Variants in CAPN1 observed in about 807,000 individuals in gnomAD.
CAPN1 encodes calpain 1.
CAPN1 carries 77 observed loss-of-function variants against 105.2 expected under a neutral mutation model. The ratio of observed to expected loss-of-function variants is 0.73; its 90% CI spans 0.61 to 0.88. The LOEUF is 0.88. Among genes scored for constraint, CAPN1 ranks in the 40% least tolerant of loss-of-function variants. CAPN1 has a pLI of 0.00. For synonymous variants in CAPN1, 355 were observed against 388.8 expected (o/e 0.91, Z 1.02); for missense variants, 833 against 976.6 (o/e 0.85, Z 1.96).
At position 65,182,884 on chromosome 11, in the gene CAPN1, C is replaced by T. The variant is rs765399122; in HGVS notation, c.183C>T (p.Phe61=). The T allele has an allele frequency of 1.0e-5, 16 of 1,603,740 alleles. No homozygotes were observed. The highest frequency in any genetic ancestry group is 1.6e-4 in the Middle Eastern group (1 of 6,070). Residue 61 remains phenylalanine (F), a synonymous_variant, in exon 2 of 22, where the codon TTC becomes TTT. Transcript: ENST00000279247. ...QSGTLFRDEA[F]PPVPQSLGYK... The stretch of plus-strand genomic sequence containing the variant: ...GGACCCTCTTCCGTGATGAGGCCTT[C>T]CCCCCGGTACCCCAGAGCCTGGGTT...
rs1158831153 is a variant in CAPN1, at chr11:65,208,015, C to T, written c.1606-40C>T. On this transcript the variant is annotated intron_variant, in intron 14 of 21. Transcript: ENST00000279247. This position sits in a 1 kb window ranked among gnomAD's most constrained non-coding sequence, Gnocchi z 4.1. ...CCAGCTGCCTCCACACGGGCAGGGC[C>T]GGGGCCTCTCTTACCTGCTTTCTCC... is the stretch of plus-strand genomic sequence containing the variant. The T allele has an allele frequency of 7.2e-6, 11 of 1,527,040 alleles. No individual in the cohort carries two copies. The highest frequency in any genetic ancestry group is 2.4e-5 in the East Asian group (1 of 41,250). The allele number at this position is 1,527,040 out of a possible 1,614,324, so 94.6% of individuals were successfully genotyped here.
At chr11:65,207,736 A>T (rs1948982802) in intron 14 of CAPN1, among the ~76,000 whole-genome samples, 1 of 150,870 alleles carries the variant, frequency 6.6e-6, no homozygotes, top group South Asian at 2.1e-4. Flanking sequence ...AACATGGCAA[A>T]ACCCCGTCTC....
chr11:65,189,513 G>A (rs909190509), intron 10 of CAPN1, among the ~76,000 whole-genome samples: 1 of 152,036 alleles, frequency 6.6e-6, no homozygotes, highest in African/African-American at 2.4e-5. Flanking sequence ...CTCCACCTTC[G>A]ACTCTTTCCA....
chr11:65,211,192 G>T, intron 21 of CAPN1, 68 bp from the exon 22 acceptor site: 2 of 1,577,970 alleles, frequency 1.3e-6, no homozygotes, highest in South Asian at 2.3e-5. Flanking sequence ...CTGGACCTGG[G>T]GTTTGGGTGG....
chr11:65,198,969 G>C (rs1948830167), intron 10 of CAPN1, among the ~76,000 whole-genome samples: 1 of 152,104 alleles, frequency 6.6e-6, no homozygotes, highest in African/African-American at 2.4e-5. Flanking sequence ...CAAGTAGCTG[G>C]GATTCTAGGT....
rs1445672781 is a variant in CAPN1 at position 65,211,761 on chromosome 11, C to T, written c.*475C>T. ...CCGGGGCTGGGAACGCCTGTGCCTT[C>T]CTGCGCCGAAGCCAACGCCCCCTCT... On this transcript the variant is annotated 3_prime_UTR_variant, in exon 22 of 22. Transcript: ENST00000279247. 4 of 167,456 alleles carry T rather than the reference C, an allele frequency of 2.4e-5. No homozygotes were observed. The highest frequency in any genetic ancestry group is 4.7e-5 in the African/African-American group (2 of 42,230). 10.4% of individuals were successfully genotyped at this position (167,456 alleles called of 1,614,324 possible).
At chr11:65,201,520 C>CT (rs1038936381) in intron 10 of CAPN1, among the ~76,000 whole-genome samples, 35 of 151,418 alleles carry the variant, frequency 2.3e-4, no homozygotes, top group African/African-American at 4.6e-4. Flanking sequence ...TTCTTTCTTT[C>CT]TTTTTTTTTG....
At chr11:65,205,887 C>A in intron 12 of CAPN1, 166 bp downstream of exon 12, 1 of 680,936 alleles carries the variant, frequency 1.5e-6, no homozygotes, top group Non-Finnish European at 2.7e-6. Context: ...GCAAACATTG[C>A]TCTCCTGAGG....
chr11:65,198,254 C>T (rs914341853), intron 10 of CAPN1, among the ~76,000 whole-genome samples: 2 of 152,086 alleles, frequency 1.3e-5, no homozygotes, highest in South Asian at 2.1e-4. Flanking sequence ...CATCCTCCCA[C>T]CTGAGCTTCC....
rs1010048385 is a variant in CAPN1 at position 65,210,219 on chromosome 11, C to T, written c.1943-117C>T. ...ATGGTAACAGCCATCTTGTCCTTTT[C>T]CCCACGGTTACTAGCACCCTGCCTA... On this transcript the variant is annotated intron_variant, in intron 19 of 21. Transcript: ENST00000279247. This position sits in a 1 kb window ranked among gnomAD's most constrained non-coding sequence, Gnocchi z 4.3. 5 of 1,135,062 alleles carry T rather than the reference C, an allele frequency of 4.4e-6. No individual in the cohort carries two copies. In the African/African-American group the frequency reaches 7.7e-5, roughly 17 times the overall value. 70.3% of individuals were successfully genotyped at this position (1,135,062 alleles called of 1,614,324 possible).
intron 10 of CAPN1, among the ~76,000 whole-genome samples, chr11:65,198,017 C>T (rs1313857662): frequency 6.6e-6 from 1 of 151,442 alleles, no homozygotes; most frequent in African/African-American, 2.4e-5. Flanking sequence ...TTATTTTCTG[C>T]TTGTCTTCCT....
chr11:65,201,480 T>C (rs1948867885), intron 10 of CAPN1, among the ~76,000 whole-genome samples: 1 of 152,150 alleles, frequency 6.6e-6, no homozygotes, highest in African/African-American at 2.4e-5. Flanking sequence ...CTTGAGGTTA[T>C]TTTTTCCTTC....
Position 65,210,226 on chromosome 11 carries a change from G to A in CAPN1, c.1943-110G>A. Reference sequence around the variant, plus strand: ...CAGCCATCTTGTCCTTTTCCCCACGGTTACTAGCACCCTGCCTAGCCCCAG... The same window carrying A: ...CAGCCATCTTGTCCTTTTCCCCACGATTACTAGCACCCTGCCTAGCCCCAG... On this transcript the variant is annotated intron_variant, in intron 19 of 21. Coordinates refer to ENST00000279247, the MANE Select transcript of CAPN1 (RefSeq NM_005186.4). This position sits in a 1 kb window ranked among gnomAD's most constrained non-coding sequence, Gnocchi z 4.3. The A allele has an allele frequency of 8.9e-7, 1 of 1,124,242 alleles. No individual in the cohort carries two copies. Among genetic ancestry groups the A allele is most frequent in the Non-Finnish European group, 1.3e-6 (1 of 752,058 alleles). 69.6% of individuals were successfully genotyped at this position (1,124,242 alleles called of 1,614,324 possible).
chr11:65,181,663 GC>G, upstream of CAPN1: 1 of 337,274 alleles, frequency 3.0e-6, no homozygotes, highest in Non-Finnish European at 6.1e-6. This position sits in a 1 kb window ranked among gnomAD's most constrained non-coding sequence, Gnocchi z 4.6. Context: ...CTTCCGCCGC[GC>G]CCCAGCCCCC....
At position 65,188,720 on chromosome 11, in the gene CAPN1, C is replaced by T. The variant is rs753584898; in HGVS notation, c.1139C>T (p.Thr380Ile). 6.3e-7 allele frequency: 1 copy of T among 1,588,274 alleles called. No homozygotes were observed. Among genetic ancestry groups the T allele is most frequent in the South Asian group, 1.1e-5 (1 of 87,954 alleles). ...GAAGGCACCTGGCGGCGGGGGAGCA[C>T]CGCGGGGGGCTGCCGAAACTACCCA... ...LYEGTWRRGS[T>I]AGGCRNYPAT... Residue 380 changes from threonine (T) to isoleucine (I), a missense_variant, in exon 10 of 22, where the codon ACC becomes ATC. Thr to Ile is a moderately conservative substitution (Grantham distance 89, BLOSUM62 -1). Transcript: ENST00000279247. This position sits in a 1 kb window ranked among gnomAD's most constrained non-coding sequence, Gnocchi z 5.5.
rs748823183 is a variant in CAPN1, at chr11:65,206,676, TGA to T, written c.1565+4_1565+5del. Reference sequence around the variant, plus strand: ...CTCAGAGAAGAGTGCTGGGACTGTGTGAGTCATGGACTGGCCCCTGCCACTCT... The same window carrying T: ...CTCAGAGAAGAGTGCTGGGACTGTGTGTCATGGACTGGCCCCTGCCACTCT... On this transcript the variant is annotated splice_donor_region_variant and intron_variant, in intron 13 of 21. Coordinates refer to ENST00000279247, the MANE Select transcript of CAPN1 (RefSeq NM_005186.4). 6.2e-7 allele frequency: 1 copy of T among 1,613,074 alleles called. No homozygotes were observed. Among genetic ancestry groups the T allele is most frequent in the Non-Finnish European group, 8.5e-7 (1 of 1,179,680 alleles).
Position 65,186,045 on chromosome 11 carries a change from T to C in CAPN1, c.585T>C (p.Tyr195=), listed in dbSNP as rs766619420. ...EFWSALLEKA[Y]AKVNGSYEAL... is the part of the protein sequence containing the mutation. ...GGAGCGCCCTGCTTGAGAAGGCCTATGCCAAGTGAGTAGCGGCTGAGGGGG... is the reference window on the plus strand; with the variant it reads ...GGAGCGCCCTGCTTGAGAAGGCCTACGCCAAGTGAGTAGCGGCTGAGGGGG... Residue 195 remains tyrosine (Y), a synonymous_variant, in exon 5 of 22, where the codon TAT becomes TAC. Transcript: ENST00000279247. 1.2e-5 allele frequency: 20 copies of C among 1,611,582 alleles called. No individual in the cohort carries two copies. In the African/African-American group the frequency reaches 2.5e-4, roughly 20 times the overall value.
At chr11:65,197,606 G>A (rs1227744780) in intron 10 of CAPN1, among the ~76,000 whole-genome samples, 2 of 152,200 alleles carry the variant, frequency 1.3e-5, no homozygotes, top group East Asian at 3.9e-4. Context: ...TTTTGTCCAC[G>A]CTGGGCACAG....
intron 12 of CAPN1, 92 bp from the exon 13 acceptor site, chr11:65,206,371 G>C: frequency 1.0e-6 from 1 of 992,958 alleles, no homozygotes; most frequent in Non-Finnish European, 1.6e-6. Context: ...CCCTTGGCCA[G>C]GACAAGGAGC....
Sources: gnomAD v4.1 joint callset for allele counts (sites outside exome capture counted in the v4.1 genomes callset) on GRCh38, gnomAD v4.1.1 for gene constraint, Gnocchi (gnomAD v3.1) non-coding constraint, MANE v1.5 for transcripts, NCBI Gene and HGNC (gene_info 2026-07-23, HGNC 2026-07-21) for gene names.